RAD54L2: variants seen among roughly 807,000 people sequenced by gnomAD.
The protein encoded by RAD54L2 is RAD54 like 2.
Under a neutral mutation model 138.4 loss-of-function variants are expected in RAD54L2, and 27 were observed. The observed-to-expected ratio is 0.20, with a 90% CI of 0.14 to 0.27. The LOEUF is 0.27. Ranked by LOEUF, RAD54L2 falls within the 10% of genes least tolerant of loss-of-function variation. The pLI, the probability that RAD54L2 is intolerant of heterozygous loss-of-function variation, is 1.00. For missense variants in RAD54L2, 1,396 were observed against 1,890.2 expected, an observed-to-expected ratio of 0.74 and a Z score of 4.85; for synonymous variants, 644 against 723.2, an observed-to-expected ratio of 0.89 and a Z score of 1.76.
At chr3:51,619,867 C>T (rs896498212) in intron 3 of RAD54L2, among the ~76,000 whole-genome samples, 2 of 152,080 alleles carry the variant, frequency 1.3e-5, no homozygotes, top group Admixed American at 6.6e-5. Context: ...TGTTTCTTTG[C>T]ATATCTAGTG....
intron 2 of RAD54L2, among the ~76,000 whole-genome samples, chr3:51,551,546 GT>G (rs2108691330): frequency 6.8e-6 from 1 of 146,018 alleles, no homozygotes; most frequent in African/African-American, 2.6e-5. Context: ...AGTGATTCTC[GT>G]TCCTCAGCCT....
At chr3:51,633,803 G>A in intron 8 of RAD54L2, 44 bp downstream of exon 8, 1 of 1,610,098 alleles carries the variant, frequency 6.2e-7, no homozygotes, top group Non-Finnish European at 8.5e-7. Context: ...CTCCTGAAGA[G>A]CTCTGTGTTA....
intron 3 of RAD54L2, among the ~76,000 whole-genome samples, chr3:51,619,672 A>G (rs953344364): frequency 5.9e-5 from 9 of 152,140 alleles, no homozygotes; most frequent in African/African-American, 2.2e-4. Context: ...CCGATATACC[A>G]AATTTCTATT....
At chr3:51,611,643 C>G (rs1004035869) in intron 3 of RAD54L2, 1 of 151,938 alleles carries the variant, frequency 6.6e-6, no homozygotes, top group African/African-American at 2.4e-5. Flanking sequence ...TCACTGCAAC[C>G]TCAGCCTCCG....
intron 2 of RAD54L2, among the ~76,000 whole-genome samples, chr3:51,552,587 T>TA (rs35460866): frequency 2.2e-5 from 3 of 136,566 alleles, no homozygotes; most frequent in Admixed American, 8.3e-5. Flanking sequence ...TTTTTTTTTT[T>TA]AAAGAGAGGG....
intron 2 of RAD54L2, among the ~76,000 whole-genome samples, chr3:51,589,707 CAT>C (rs981900592): frequency 4.4e-4 from 66 of 151,222 alleles, no homozygotes; most frequent in African/African-American, 1.5e-3. Flanking sequence ...CACACACACA[CAT>C]ACACACACAT....
chr3:51,634,162 C>T (rs1700919070), intron 9 of RAD54L2, 127 bp downstream of exon 9: 1 of 1,234,618 alleles, frequency 8.1e-7, no homozygotes, highest in Non-Finnish European at 1.1e-6. Context: ...CCTGATGTAT[C>T]ACTTTCTCTG....
At chr3:51,618,365 G>T (rs73080606) in intron 3 of RAD54L2, among the ~76,000 whole-genome samples, 1 of 151,896 alleles carries the variant, frequency 6.6e-6, no homozygotes, top group East Asian at 1.9e-4. Flanking sequence ...CATTTTACCA[G>T]TTTTTTTCTT....
At chr3:51,559,839 G>A (rs1459888997) in intron 2 of RAD54L2, among the ~76,000 whole-genome samples, 2 of 152,216 alleles carry the variant, frequency 1.3e-5, no homozygotes, top group African/African-American at 4.8e-5. Context: ...CCAACGTACT[G>A]ATAAGTACTG....
intron 1 of RAD54L2, among the ~76,000 whole-genome samples, chr3:51,540,884 C>T (rs1553671190): frequency 6.6e-6 from 1 of 151,808 alleles, no homozygotes. Flanking sequence ...TCTACTAAAA[C>T]TACAAAAATT....
chr3:51,637,521 T>G lies in RAD54L2; in HGVS notation c.1682+18T>G. 1 of 1,591,198 alleles carries G rather than the reference T, an allele frequency of 6.3e-7. No homozygotes were observed. Among genetic ancestry groups the G allele is most frequent in the Non-Finnish European group, 8.6e-7 (1 of 1,165,926 alleles). ...GTGCAGAGGTGAGCCATCCTCAGGG[T>G]CCTGCTTCCTGAATTTTCAGAGGGC... On this transcript the variant is annotated intron_variant, in intron 11 of 22. Coordinates refer to ENST00000684192, the MANE Select transcript of RAD54L2 (RefSeq NM_015106.4). This position sits in a 1 kb window ranked among gnomAD's most constrained non-coding sequence, Gnocchi z 5.9.
intron 2 of RAD54L2, among the ~76,000 whole-genome samples, chr3:51,582,162 T>G (rs1284145666): frequency 6.6e-6 from 1 of 152,060 alleles, no homozygotes; most frequent in Non-Finnish European, 1.5e-5. Context: ...CCACCTTGGC[T>G]TCTCAAAAGT....
At chr3:51,616,842 G>T (rs747717560) in intron 3 of RAD54L2, among the ~76,000 whole-genome samples, 2 of 151,914 alleles carry the variant, frequency 1.3e-5, no homozygotes, top group Non-Finnish European at 2.9e-5. Context: ...GAAAAGAAAA[G>T]AAAAGAAAAG....
chr3:51,601,689 C>T (rs1266768600), intron 3 of RAD54L2, among the ~76,000 whole-genome samples: 2 of 151,808 alleles, frequency 1.3e-5, no homozygotes, highest in East Asian at 3.9e-4. Context: ...GATAATCTGC[C>T]CTCCTCGGCC....
chr3:51,642,844 C>A (rs1701174349), intron 15 of RAD54L2, among the ~76,000 whole-genome samples: 1 of 152,042 alleles, frequency 6.6e-6, no homozygotes, highest in Non-Finnish European at 1.5e-5. Flanking sequence ...TGTTTGGGAA[C>A]TGTTTGAACT....
At chr3:51,592,798 C>T (rs1242321017) in intron 3 of RAD54L2, among the ~76,000 whole-genome samples, 1 of 152,118 alleles carries the variant, frequency 6.6e-6, no homozygotes, top group Admixed American at 6.6e-5. Flanking sequence ...TGGTCTTGAA[C>T]TCCTGACCTC....
At chr3:51,582,636 A>G (rs1397773220) in intron 2 of RAD54L2, among the ~76,000 whole-genome samples, 1 of 151,152 alleles carries the variant, frequency 6.6e-6, no homozygotes, top group African/African-American at 2.4e-5. Flanking sequence ...AAGGAAACGA[A>G]CCTTTCATTT....
chr3:51,580,454 CTACTTCTTAG>C (rs1013590152), intron 2 of RAD54L2, among the ~76,000 whole-genome samples: 27 of 152,262 alleles, frequency 1.8e-4, no homozygotes, highest in Admixed American at 7.9e-4. Context: ...CCCCACAACC[CTACTTCTTAG>C]AGTTCAGTGA....
chr3:51,542,449 C>CTT (rs869048851), intron 2 of RAD54L2, among the ~76,000 whole-genome samples: 4 of 142,872 alleles, frequency 2.8e-5, no homozygotes, highest in Non-Finnish European at 3.1e-5. Context: ...TTGAGGTTGT[C>CTT]TTTTTTTTTT....
Sources: allele counts gnomAD v4.1 joint callset (sites outside exome capture counted in the v4.1 genomes callset), GRCh38; gene constraint gnomAD v4.1.1; non-coding constraint Gnocchi (gnomAD v3.1); transcripts MANE v1.5; gene names NCBI Gene and HGNC (gene_info 2026-07-23, HGNC 2026-07-21).